CCDC148: variants seen among roughly 807,000 people sequenced by gnomAD.
The protein encoded by CCDC148 is coiled-coil domain containing 148, also known as coiled-coil domain-containing protein 148.
In CCDC148, 89 loss-of-function variants were observed where a neutral mutation model predicts 85.7. That is an observed-to-expected ratio of 1.04 (90% CI 0.87 to 1.24). The LOEUF (loss-of-function observed/expected upper bound fraction) is 1.24, where lower values mean the gene tolerates loss of function less well. Among genes scored for constraint, CCDC148 ranks in the 50% most tolerant of loss-of-function variants. CCDC148 has a pLI of 0.00. For synonymous variants in CCDC148, 230 were observed against 213.9 expected, an observed-to-expected ratio of 1.08 and a Z score of -0.66; for missense variants, 692 against 671.7, an observed-to-expected ratio of 1.03 and a Z score of -0.33.
chr2:158,345,987 TAAAG>T (rs1404810552), intron 2 of CCDC148, among the ~76,000 whole-genome samples: 2 of 152,150 alleles, frequency 1.3e-5, no homozygotes, highest in African/African-American at 4.8e-5. Flanking sequence ...TGAAGATACT[TAAAG>T]AAATATGAAA....
At chr2:158,452,072 T>G (rs1688426926) in intron 1 of CCDC148, among the ~76,000 whole-genome samples, 1 of 152,210 alleles carries the variant, frequency 6.6e-6, no homozygotes, top group South Asian at 2.1e-4. Context: ...ACCTTCAATG[T>G]CTGAGAATTA....
intron 9 of CCDC148, among the ~76,000 whole-genome samples, chr2:158,287,985 A>G (rs1438471610): frequency 6.6e-6 from 1 of 152,208 alleles, no homozygotes; most frequent in Non-Finnish European, 1.5e-5. Flanking sequence ...CCAAACCTCA[A>G]TTCTTGACCT....
At position 158,176,663 on chromosome 2, in the gene CCDC148, T is replaced by C. The variant is rs1331837968; in HGVS notation, c.1489-2A>G. 3.1e-6 allele frequency: 5 copies of C among 1,611,436 alleles called. No individual in the cohort carries two copies. Among genetic ancestry groups the C allele is most frequent in the Non-Finnish European group, 4.2e-6 (5 of 1,178,626 alleles). The stretch of plus-strand genomic sequence containing the variant: ...ATCAAATTGAGCAACAACAGCAACC[T>C]AAAAATGAGAAAGCATGGCTACTTG... On this transcript the variant is annotated splice_acceptor_variant, in intron 12 of 13. Coordinates refer to ENST00000283233, the MANE Select transcript of CCDC148 (RefSeq NM_138803.4). LOFTEE classifies it high-confidence loss of function.
At chr2:158,415,726 C>T (rs537569806) in intron 1 of CCDC148, among the ~76,000 whole-genome samples, 3 of 152,292 alleles carry the variant, frequency 2.0e-5, no homozygotes, top group South Asian at 2.1e-4. Flanking sequence ...GAACTACAGG[C>T]CCTGTACAAG....
intron 1 of CCDC148, among the ~76,000 whole-genome samples, chr2:158,425,815 G>A (rs1559137030): frequency 6.6e-6 from 1 of 152,130 alleles, no homozygotes; most frequent in East Asian, 1.9e-4. Context: ...TTTGGATGAT[G>A]TTTTTCCCCT....
Position 158,353,474 on chromosome 2 carries a change from C to A in CCDC148, c.147+4975G>T, listed in dbSNP as rs529739688. Among the ~76,000 whole-genome samples the A allele has an allele frequency of 4.5e-4, 64 of 142,630 alleles. 1 individual carries two copies. The East Asian group carries it at 9.7e-3, about 22-fold the overall frequency. 93.6% of individuals were successfully genotyped at this position (142,630 alleles called of 152,430 possible). ...TTAAACCAACAAAGATCAAAAGAGA[C>A]AAAGAAGGCCATTACATAATGGTAA... On this transcript the variant is annotated intron_variant, in intron 2 of 13. Coordinates refer to ENST00000283233, the MANE Select transcript of CCDC148 (RefSeq NM_138803.4).
At chr2:158,445,737 ATTCT>A (rs1688131381) in intron 1 of CCDC148, among the ~76,000 whole-genome samples, 1 of 152,142 alleles carries the variant, frequency 6.6e-6, no homozygotes, top group Non-Finnish European at 1.5e-5. Flanking sequence ...TTTATTTTAC[ATTCT>A]TTAAGTGTAA....
At chr2:158,229,328 A>G (rs1403716938) in intron 10 of CCDC148, among the ~76,000 whole-genome samples, 1 of 152,160 alleles carries the variant, frequency 6.6e-6, no homozygotes, top group Non-Finnish European at 1.5e-5. Context: ...TTTGCTAATT[A>G]ATATACTTTT....
At position 158,172,114 on chromosome 2, in the gene CCDC148, T is replaced by C; in HGVS notation, c.1775A>G (p.Ter592TrpextTer27). 1.3e-6 allele frequency: 2 copies of C among 1,590,640 alleles called. No homozygotes were observed. Among genetic ancestry groups the C allele is most frequent in the Non-Finnish European group, 8.5e-7 (1 of 1,171,504 alleles). ...KDMESTVFKI[*>W] The stretch of plus-strand genomic sequence containing the variant: ...ACATATAGAATTTGAGGATGAGCTC[T>C]ATATTTTAAATACAGTAGACTCCAT... Residue 592 changes from the stop codon to tryptophan, a stop_lost, in exon 14 of 14, where the codon TAG becomes TGG. Coordinates refer to ENST00000283233, the MANE Select transcript of CCDC148 (RefSeq NM_138803.4).
intron 1 of CCDC148, among the ~76,000 whole-genome samples, chr2:158,454,383 T>C (rs1688520886): frequency 6.6e-6 from 1 of 152,190 alleles, no homozygotes. Flanking sequence ...AGCAAAATCC[T>C]GGTAGAGAGA....
At chr2:158,430,664 T>C (rs1337331668) in intron 1 of CCDC148, among the ~76,000 whole-genome samples, 2 of 152,192 alleles carry the variant, frequency 1.3e-5, no homozygotes, top group Admixed American at 6.5e-5. Context: ...GTGATGTATA[T>C]TCCAGTTACC....
chr2:158,219,964 T>C (rs191274954), intron 11 of CCDC148, among the ~76,000 whole-genome samples: 1 of 152,350 alleles, frequency 6.6e-6, no homozygotes, highest in East Asian at 1.9e-4. Flanking sequence ...CTATTAAACT[T>C]ACCCTGTTCA....
chr2:158,218,077 A>C (rs777130726), intron 11 of CCDC148, among the ~76,000 whole-genome samples: 13 of 152,144 alleles, frequency 8.5e-5, no homozygotes, highest in Admixed American at 2.6e-4. Flanking sequence ...TATTATAAAA[A>C]TTTTTCTGAG....
intron 1 of CCDC148, among the ~76,000 whole-genome samples, chr2:158,430,693 T>G (rs1393401564): frequency 1.3e-5 from 2 of 152,164 alleles, no homozygotes; most frequent in Non-Finnish European, 2.9e-5. Context: ...ATTATATGAA[T>G]GTATCAAATT....
At chr2:158,226,305 A>C (rs1469230998) in intron 10 of CCDC148, among the ~76,000 whole-genome samples, 15 of 152,204 alleles carry the variant, frequency 9.9e-5, no homozygotes, top group Non-Finnish European at 1.9e-4. Flanking sequence ...AAATTGAGGC[A>C]ATAATTAATA....
At chr2:158,223,204 G>A (rs11900840) in intron 10 of CCDC148, among the ~76,000 whole-genome samples, 6,039 of 152,218 alleles carry the variant, frequency 0.04, 375 homozygotes, top group African/African-American at 0.14. Context: ...CTACGCCCAC[G>A]GATCCTCACT....
intron 2 of CCDC148, among the ~76,000 whole-genome samples, chr2:158,354,114 A>C: frequency 6.6e-6 from 1 of 151,744 alleles, no homozygotes; most frequent in Non-Finnish European, 1.5e-5. Flanking sequence ...AAATGCCCAC[A>C]AGAGAAAGCA....
chr2:158,448,864 G>A (rs868181399), intron 1 of CCDC148, among the ~76,000 whole-genome samples: 5 of 152,102 alleles, frequency 3.3e-5, no homozygotes, highest in South Asian at 2.1e-4. Context: ...GTCTTGCTCT[G>A]TCACCCAGGC....
At chr2:158,425,227 A>G (rs979009883) in intron 1 of CCDC148, 3 of 536,318 alleles carry the variant, frequency 5.6e-6, no homozygotes, top group Non-Finnish European at 3.7e-6. Flanking sequence ...GTGTATGCAG[A>G]CTATAGTGGC....
Sources: gnomAD v4.1 joint callset for allele counts (sites outside exome capture counted in the v4.1 genomes callset) on GRCh38, gnomAD v4.1.1 for gene constraint, MANE v1.5 for transcripts, NCBI Gene and HGNC (gene_info 2026-07-23, HGNC 2026-07-21) for gene names.